Variants in CDCA2 observed in about 807,000 individuals in gnomAD.
The protein encoded by CDCA2 is cell division cycle-associated protein 2.
A neutral mutation model predicts 67.0 loss-of-function variants in CDCA2; 44 were observed. The observed-to-expected ratio is 0.66, with a 90% CI of 0.52 to 0.84. The LOEUF (loss-of-function observed/expected upper bound fraction) is 0.84. Ranked by LOEUF, CDCA2 falls within the 40% of genes least tolerant of loss-of-function variation. The pLI, the probability that CDCA2 is intolerant of heterozygous loss-of-function variation, is 0.00. For synonymous variants in CDCA2, 447 were observed against 418.7 expected, an observed-to-expected ratio of 1.07 and a Z score of -0.82; for missense variants, 1,253 against 1,203.2, an observed-to-expected ratio of 1.04 and a Z score of -0.61.
At chr8:25,479,769 C>T (rs920120183) in intron 7 of CDCA2, 144 bp from the exon 8 acceptor site, 10 of 712,924 alleles carry the variant, frequency 1.4e-5, no homozygotes, top group East Asian at 1.1e-4. Context: ...AAATGAAATC[C>T]CAGACGTTAC....
intron 13 of CDCA2, among the ~76,000 whole-genome samples, chr8:25,490,819 G>A (rs1454285565): frequency 6.6e-6 from 1 of 152,088 alleles, no homozygotes; most frequent in African/African-American, 2.4e-5. Flanking sequence ...CCAGTATTCT[G>A]CCCCACCCTA....
chr8:25,485,221 A>G (rs1442177150), intron 10 of CDCA2, among the ~76,000 whole-genome samples: 1 of 150,302 alleles, frequency 6.7e-6, no homozygotes, highest in East Asian at 1.9e-4. Context: ...AAGAAAAAGC[A>G]TTTAACAAAA....
At chr8:25,462,887 C>G (rs1329133468) in intron 4 of CDCA2, among the ~76,000 whole-genome samples, 1 of 152,078 alleles carries the variant, frequency 6.6e-6, no homozygotes, top group Non-Finnish European at 1.5e-5. Flanking sequence ...CACTATGTTG[C>G]CCAGGCTTAT....
intron 5 of CDCA2, among the ~76,000 whole-genome samples, chr8:25,466,771 G>C (rs918576796): frequency 4.6e-5 from 7 of 151,944 alleles, no homozygotes; most frequent in South Asian, 2.1e-4. Flanking sequence ...AGCCAGGCGC[G>C]GTGGCTCATG....
At chr8:25,470,963 C>T (rs1477867215) in intron 7 of CDCA2, among the ~76,000 whole-genome samples, 1 of 152,020 alleles carries the variant, frequency 6.6e-6, no homozygotes, top group Non-Finnish European at 1.5e-5. Flanking sequence ...GATTTTGCCA[C>T]ATTGGCCAGG....
chr8:25,507,382 G>A lies in CDCA2; in HGVS notation c.2716G>A (p.Val906Ile). Reference protein sequence around the residue: ...LQKDLENEGLVWISLPLPSTS... With the variant: ...LQKDLENEGLIWISLPLPSTS... ...GAAGGATTTAGAAAACGAAGGTCTT[G>A]TATGGATTTCACTTCCACTTCCTTC... Residue 906 changes from valine to isoleucine, a missense_variant, in exon 15 of 15, where the codon GTA becomes ATA. Val to Ile is a conservative substitution (Grantham distance 29). Transcript: ENST00000330560. 6.2e-7 allele frequency: 1 copy of A among 1,613,818 alleles called. No homozygotes were observed. The highest frequency in any genetic ancestry group is 1.1e-5 in the South Asian group (1 of 91,038).
chr8:25,488,510 T>C, intron 12 of CDCA2, 42 bp from the exon 13 acceptor site: 1 of 1,528,786 alleles, frequency 6.5e-7, no homozygotes, highest in South Asian at 1.3e-5. Flanking sequence ...AACATGTAAT[T>C]GCTTGTGCTT....
At chr8:25,488,350 G>T (rs1258167432) in intron 12 of CDCA2, among the ~76,000 whole-genome samples, 4 of 152,034 alleles carry the variant, frequency 2.6e-5, no homozygotes, top group Admixed American at 2.6e-4. Context: ...ATACTTCTGG[G>T]TCTGCATTTG....
chr8:25,505,481 G>A (rs945876414), intron 14 of CDCA2, among the ~76,000 whole-genome samples: 8 of 152,278 alleles, frequency 5.3e-5, no homozygotes, highest in South Asian at 2.1e-4. Flanking sequence ...GATTACAGGC[G>A]TGAGCCACTG....
At chr8:25,478,624 A>G (rs879615278) in intron 7 of CDCA2, among the ~76,000 whole-genome samples, 21 of 152,104 alleles carry the variant, frequency 1.4e-4, no homozygotes, top group Admixed American at 2.6e-4. Context: ...TCTCTTGTCC[A>G]TGCCCACTGT....
chr8:25,497,946 A>T (rs1017826067), intron 13 of CDCA2, among the ~76,000 whole-genome samples: 1 of 152,196 alleles, frequency 6.6e-6, no homozygotes, highest in African/African-American at 2.4e-5. Flanking sequence ...TAGTGAGCCA[A>T]ATCTAGGACT....
At chr8:25,484,709 C>G (rs924969794) in intron 10 of CDCA2, among the ~76,000 whole-genome samples, 1 of 151,678 alleles carries the variant, frequency 6.6e-6, no homozygotes, top group Admixed American at 6.6e-5. Context: ...CTCCCATATC[C>G]TCCCGTCTTA....
intron 13 of CDCA2, among the ~76,000 whole-genome samples, chr8:25,492,191 T>G (rs111584162): frequency 6.6e-5 from 10 of 152,102 alleles, no homozygotes; most frequent in African/African-American, 2.2e-4. Flanking sequence ...GCTCAATCAC[T>G]TCTCTCACCC....
chr8:25,488,518 C>T (rs1410811912), intron 12 of CDCA2, 34 bp from the exon 13 acceptor site: 1 of 1,559,788 alleles, frequency 6.4e-7, no homozygotes, highest in Non-Finnish European at 8.6e-7. Context: ...ATTGCTTGTG[C>T]TTTACGGTAT....
intron 4 of CDCA2, among the ~76,000 whole-genome samples, chr8:25,464,337 G>T (rs1008816251): frequency 3.9e-5 from 6 of 152,164 alleles, no homozygotes; most frequent in African/African-American, 1.2e-4. Flanking sequence ...GATCGTTTGA[G>T]CCCAAGATAT....
chr8:25,487,477 C>CAG (rs1803824539), intron 12 of CDCA2, 143 bp downstream of exon 12: 1 of 604,992 alleles, frequency 1.7e-6, no homozygotes, highest in African/African-American at 1.9e-5. Flanking sequence ...CACCGTGGTT[C>CAG]ACGCCTGTAA....
Position 25,483,437 on chromosome 8 carries a change from T to A in CDCA2, c.1071T>A (p.His357Gln), listed in dbSNP as rs1287550546. ...CNNLYDDDGT[H>Q]PSLISNLPNC... ...ACCTCTATGATGATGATGGGACTCA[T>A]CCGAGCTTAATCTCAAATCTCCCAA... Residue 357 changes from histidine (H) to glutamine (Q), a missense_variant, in exon 9 of 15, where the codon CAT becomes CAA. Physicochemically the swap from His to Gln is conservative, Grantham distance 24. Transcript: ENST00000330560. 1 of 1,611,738 alleles carries A rather than the reference T, an allele frequency of 6.2e-7. No individual in the cohort carries two copies. The highest frequency in any genetic ancestry group is 8.5e-7 in the Non-Finnish European group (1 of 1,179,066).
intron 7 of CDCA2, among the ~76,000 whole-genome samples, chr8:25,478,988 T>C (rs1280353516): frequency 6.6e-6 from 1 of 151,858 alleles, no homozygotes; most frequent in Non-Finnish European, 1.5e-5. Flanking sequence ...CAGTATTCCC[T>C]TCACCTAGTT....
In CDCA2 at chr8:25,506,863, C is replaced by T; in HGVS notation, c.2197C>T (p.Leu733=). 1.2e-6 allele frequency: 2 copies of T among 1,613,094 alleles called. No individual in the cohort carries two copies. Among genetic ancestry groups the T allele is most frequent in the Admixed American group, 3.3e-5 (2 of 59,812 alleles). The change falls in exon 15 of 15, where the codon CTG becomes TTG. Residue 733 remains leucine (L), a synonymous_variant. Coordinates refer to ENST00000330560, the MANE Select transcript of CDCA2 (RefSeq NM_152562.4). ...AGATAGTCCCAAACCTGCTCTGACCCTGCAGCAGGGTCAAGAATTTTCTGC... is the reference window on the plus strand; with the variant it reads ...AGATAGTCCCAAACCTGCTCTGACCTTGCAGCAGGGTCAAGAATTTTCTGC... ...ASDSPKPALT[L]QQGQEFSAGG...
Sources: allele counts gnomAD v4.1 joint callset (sites outside exome capture counted in the v4.1 genomes callset), GRCh38; gene constraint gnomAD v4.1.1; transcripts MANE v1.5; gene names NCBI Gene and HGNC (gene_info 2026-07-23, HGNC 2026-07-21).